ANXA3: variants seen among roughly 807,000 people sequenced by gnomAD.
ANXA3 encodes the protein annexin A3.
In ANXA3, 46 loss-of-function variants were observed where a neutral mutation model predicts 48.8. The observed-to-expected ratio is 0.94, with a 90% CI of 0.74 to 1.21. ANXA3 has a LOEUF of 1.21. Ranked by LOEUF, ANXA3 falls within the 50% of genes most tolerant of loss-of-function variation. The pLI, the probability that ANXA3 is intolerant of heterozygous loss-of-function variation, is 0.00. For synonymous variants in ANXA3, 128 were observed against 134.7 expected (o/e 0.95, Z 0.35); for missense variants, 383 against 378.6 (o/e 1.01, Z -0.10).
At chr4:78,603,829 C>T (rs1723593749) in intron 11 of ANXA3, 1 of 152,400 alleles carries the variant, frequency 6.6e-6, no homozygotes, top group Non-Finnish European at 1.5e-5. Flanking sequence ...CTGCTATTTC[C>T]TCTATAGGAA....
intron 5 of ANXA3, among the ~76,000 whole-genome samples, 159 bp from the exon 6 acceptor site, chr4:78,586,101 T>C (rs184034287): frequency 1.8e-4 from 28 of 152,174 alleles, no homozygotes; most frequent in African/African-American, 5.8e-4. Context: ...ATGTTATTAC[T>C]AAAATATATG....
intron 10 of ANXA3, among the ~76,000 whole-genome samples, chr4:78,599,023 A>G (rs1723484890): frequency 6.6e-6 from 1 of 152,186 alleles, no homozygotes; most frequent in Non-Finnish European, 1.5e-5. Context: ...TTATTTTATC[A>G]TGTAAAAAAA....
In ANXA3 at chr4:78,604,217, T is replaced by A. The variant is rs74478409; in HGVS notation, c.790-60T>A. ...ATTATCTGATTCTTATAAATATAGATCTCTATGTTGCTTTGTGACCAATGA... is the reference window on the plus strand; with the variant it reads ...ATTATCTGATTCTTATAAATATAGAACTCTATGTTGCTTTGTGACCAATGA... On this transcript the variant is annotated intron_variant, in intron 11 of 12. Transcript: ENST00000264908. 7.7e-4 allele frequency: 1,142 copies of A among 1,482,888 alleles called. 5 individuals carry two copies. The African/African-American group carries it at 0.014, about 18-fold the overall frequency. 91.9% of individuals were successfully genotyped at this position (1,482,888 alleles called of 1,614,324 possible).
At chr4:78,559,189 A>C (rs1008532767) in intron 2 of ANXA3, among the ~76,000 whole-genome samples, 48 of 151,960 alleles carry the variant, frequency 3.2e-4, no homozygotes, top group African/African-American at 1.1e-3. Context: ...AAGCGATCCT[A>C]CTGCCTCAGT....
At chr4:78,563,755 G>A (rs937084118) in intron 2 of ANXA3, among the ~76,000 whole-genome samples, 4 of 152,210 alleles carry the variant, frequency 2.6e-5, no homozygotes, top group Non-Finnish European at 5.9e-5. Context: ...GGCCATTTAA[G>A]AAGATGTGGA....
intron 10 of ANXA3, among the ~76,000 whole-genome samples, chr4:78,598,851 T>C (rs1723480916): frequency 6.6e-6 from 1 of 152,170 alleles, no homozygotes; most frequent in Non-Finnish European, 1.5e-5. Context: ...ATATTGTTAA[T>C]CTTTATATTA....
In ANXA3 at chr4:78,610,197, C is replaced by T; in HGVS notation, c.*82C>T. The T allele has an allele frequency of 1.0e-6, 1 of 971,616 alleles. No individual in the cohort carries two copies. The highest frequency in any genetic ancestry group is 1.6e-6 in the Non-Finnish European group (1 of 640,780). The allele number at this position is 971,616 out of a possible 1,614,324, so 60.2% of individuals were successfully genotyped here. A position where few individuals can be genotyped will look rare whatever the true frequency, so the allele number is the denominator to read the frequency against. On this transcript the variant is annotated 3_prime_UTR_variant, in exon 13 of 13. Coordinates refer to ENST00000264908, the MANE Select transcript of ANXA3 (RefSeq NM_005139.3). ...CTTCTTCTCATACTATTTAAGAGAA[C>T]AAGCAAATATAAACAGCAACTTGTG...
rs75648789 is a variant in ANXA3 at position 78,595,900 on chromosome 4, A to T, written c.634+13A>T. On this transcript the variant is annotated intron_variant, in intron 9 of 12. Coordinates refer to ENST00000264908, the MANE Select transcript of ANXA3 (RefSeq NM_005139.3). ...CAATTAAAACTAAGTACAAACTCAC[A>T]TTACAATCCTTTGTGTTGTATGTTG... 9,677 of 1,494,104 alleles carry T rather than the reference A, an allele frequency of 6.5e-3. 518 individuals carry two copies. The African/African-American group carries it at 0.12, about 18-fold the overall frequency. 92.6% of individuals were successfully genotyped at this position (1,494,104 alleles called of 1,614,324 possible). A position where few individuals can be genotyped will look rare whatever the true frequency, so the allele number is the denominator to read the frequency against.
At chr4:78,569,292 A>G (rs1374456480) in intron 2 of ANXA3, among the ~76,000 whole-genome samples, 1 of 152,090 alleles carries the variant, frequency 6.6e-6, no homozygotes, top group African/African-American at 2.4e-5. Context: ...AGACTTTGCC[A>G]AGTATTCAGG....
Position 78,597,378 on chromosome 4 carries a change from T to A in ANXA3, c.694T>A (p.Leu232Ile). 6.2e-7 allele frequency: 1 copy of A among 1,610,504 alleles called. No individual in the cohort carries two copies. Among genetic ancestry groups the A allele is most frequent in the South Asian group, 1.1e-5 (1 of 90,162 alleles). Residue 232 changes from leucine (L) to isoleucine (I), a missense_variant, in exon 10 of 13, where the codon TTA (leucine) becomes ATA (isoleucine). Coordinates refer to ENST00000264908, the MANE Select transcript of ANXA3 (RefSeq NM_005139.3). Reference sequence around the variant, plus strand: ...CATTGTGGACAGCATAAAAGGAGAATTATCTGGGCATTTTGAAGACTTACT... The same window carrying A: ...CATTGTGGACAGCATAAAAGGAGAAATATCTGGGCATTTTGAAGACTTACT... Reference protein sequence around the residue: ...KDIVDSIKGELSGHFEDLLLA... With the variant: ...KDIVDSIKGEISGHFEDLLLA...
At chr4:78,590,274 T>C (rs1215598497) in intron 6 of ANXA3, among the ~76,000 whole-genome samples, 1 of 152,200 alleles carries the variant, frequency 6.6e-6, no homozygotes, top group Non-Finnish European at 1.5e-5. Flanking sequence ...GCCTACTAAA[T>C]ATTATTATTT....
At chr4:78,590,590 T>C (rs911595396) in intron 6 of ANXA3, among the ~76,000 whole-genome samples, 1 of 152,084 alleles carries the variant, frequency 6.6e-6, no homozygotes, top group Non-Finnish European at 1.5e-5. Flanking sequence ...CACCACCCCA[T>C]GGATGGGGCA....
At chr4:78,586,565 T>C (rs1281142353) in intron 6 of ANXA3, among the ~76,000 whole-genome samples, 1 of 152,262 alleles carries the variant, frequency 6.6e-6, no homozygotes, top group Non-Finnish European at 1.5e-5. Flanking sequence ...ATAGCATTAA[T>C]GCTTTACATT....
intron 5 of ANXA3, among the ~76,000 whole-genome samples, chr4:78,583,578 C>T (rs1026876443): frequency 6.7e-6 from 1 of 149,044 alleles, no homozygotes; most frequent in Non-Finnish European, 1.5e-5. Context: ...GAGCCATGAC[C>T]GTGCCACTGC....
chr4:78,579,513 C>T (rs943769831), intron 4 of ANXA3, among the ~76,000 whole-genome samples: 16 of 152,276 alleles, frequency 1.1e-4, no homozygotes, highest in South Asian at 4.1e-4. Context: ...TCTGAGAATG[C>T]GCAAGGCAGC....
intron 2 of ANXA3, among the ~76,000 whole-genome samples, chr4:78,569,566 A>G (rs1005409689): frequency 5.9e-5 from 9 of 152,226 alleles, no homozygotes; most frequent in African/African-American, 1.9e-4. Context: ...CTAAGAAGGA[A>G]ATAAAGCAGT....
At chr4:78,593,532 T>A (rs1190427303) in intron 7 of ANXA3, among the ~76,000 whole-genome samples, 2 of 151,464 alleles carry the variant, frequency 1.3e-5, no homozygotes, top group East Asian at 3.9e-4. Flanking sequence ...AAATAAACTT[T>A]ACTTTTTAGA....
At chr4:78,595,644 CA>C in intron 8 of ANXA3, 149 bp from the exon 9 acceptor site, 3 of 745,902 alleles carry the variant, frequency 4.0e-6, no homozygotes, top group Non-Finnish European at 4.4e-6. Context: ...TGGCTCCTGA[CA>C]GCCCAATTTT....
intron 5 of ANXA3, among the ~76,000 whole-genome samples, chr4:78,585,004 G>T (rs575182805): frequency 5.4e-4 from 83 of 152,296 alleles, no homozygotes; most frequent in Admixed American, 1.8e-3. Context: ...TGTGTTGGGC[G>T]CAAGTCCAGT....
Sources: gnomAD v4.1 joint callset for allele counts (sites outside exome capture counted in the v4.1 genomes callset) on GRCh38, gnomAD v4.1.1 for gene constraint, MANE v1.5 for transcripts, NCBI Gene and HGNC (gene_info 2026-07-23, HGNC 2026-07-21) for gene names.